CLIC2: variants seen among roughly 807,000 people sequenced by gnomAD.
The protein encoded by CLIC2 is chloride intracellular channel protein 2.
In CLIC2, 9 loss-of-function variants were observed where a neutral mutation model predicts 14.8. The ratio of observed to expected loss-of-function variants is 0.61; its 90% CI spans 0.37 to 1.06. CLIC2 has a LOEUF of 1.06. CLIC2 is among the 50% of genes least tolerant of loss of function. The pLI is 0.01. For synonymous variants in CLIC2, 61 were observed against 66.3 expected (o/e 0.92, Z 0.39); for missense variants, 148 against 181.4 (o/e 0.82, Z 1.06).
chrX:155,297,852 TC>T (rs1346541648), intron 3 of CLIC2, among the ~76,000 whole-genome samples: 1 of 11,109 alleles, frequency 9.0e-5, no homozygotes, highest in Non-Finnish European at 2.9e-4. Context: ...AGAGCGAGAC[TC>T]CGGTCTCAAA....
intron 3 of CLIC2, among the ~76,000 whole-genome samples, chrX:155,286,714 G>T (rs1179872327): frequency 8.9e-6 from 1 of 112,248 alleles, no homozygotes; most frequent in African/African-American, 3.2e-5. Flanking sequence ...TTGTGGTTTT[G>T]ATTTGCATTT....
At position 155,290,440 on chromosome X, in the gene CLIC2, T is replaced by A. The variant is rs1172122944; in HGVS notation, c.293+8345A>T. On this transcript the variant is annotated intron_variant, in intron 3 of 5. Coordinates refer to ENST00000369449, the MANE Select transcript of CLIC2 (RefSeq NM_001289.6). Reference sequence around the variant, plus strand: ...TCCTGCATGCTGCTTGGGATGTACTTCTTCTTCACAAAGGAAGTCTGAAGT... The same window carrying A: ...TCCTGCATGCTGCTTGGGATGTACTACTTCTTCACAAAGGAAGTCTGAAGT... The A allele has an allele frequency of 1.8e-5, 9 of 504,068 alleles. No homozygotes were observed. The African/African-American group carries it at 1.9e-4, about 11-fold the overall frequency. 41.5% of individuals were successfully genotyped at this position (504,068 alleles called of 1,213,427 possible).
chrX:155,302,495 G>A (rs1479939695), intron 1 of CLIC2, among the ~76,000 whole-genome samples: 2 of 100,660 alleles, frequency 2.0e-5, no homozygotes, highest in Non-Finnish European at 4.1e-5. Flanking sequence ...TCTTGCTAGC[G>A]GTCTATCAAT....
intron 1 of CLIC2, among the ~76,000 whole-genome samples, chrX:155,328,114 C>T (rs1175805240): frequency 9.0e-6 from 1 of 110,856 alleles, no homozygotes; most frequent in Non-Finnish European, 1.9e-5. Flanking sequence ...ACAAGGATGC[C>T]CACTTTCACC....
intron 4 of CLIC2, among the ~76,000 whole-genome samples, 178 bp from the exon 5 acceptor site, chrX:155,279,508 A>G (rs1243845937): frequency 2.7e-5 from 3 of 112,358 alleles, no homozygotes; most frequent in Non-Finnish European, 5.6e-5. Context: ...ACAAAGTAAG[A>G]TGAAATAGTG....
chrX:155,312,602 T>C (rs1355611164), intron 1 of CLIC2, among the ~76,000 whole-genome samples: 4 of 111,754 alleles, frequency 3.6e-5, no homozygotes, highest in African/African-American at 1.3e-4. Context: ...GTAAGGTGAT[T>C]CCTCCAGCTT....
chrX:155,285,202 T>C (rs1557316966), intron 3 of CLIC2, among the ~76,000 whole-genome samples: 3 of 112,677 alleles, frequency 2.7e-5, no homozygotes, highest in Admixed American at 9.4e-5. Context: ...CAATTCCTTT[T>C]AGCAGTGTTT....
intron 1 of CLIC2, among the ~76,000 whole-genome samples, chrX:155,326,125 T>C (rs1557322303): frequency 9.1e-6 from 1 of 109,471 alleles, no homozygotes; most frequent in Admixed American, 9.9e-5. Context: ...CTATATATCT[T>C]ATTCATGTAA....
intron 1 of CLIC2, among the ~76,000 whole-genome samples, chrX:155,319,287 G>C (rs2124208370): frequency 1.2e-5 from 1 of 81,560 alleles, no homozygotes; most frequent in African/African-American, 4.6e-5. Flanking sequence ...AATAAGAACA[G>C]CTTTGGTCTG....
intron 1 of CLIC2, among the ~76,000 whole-genome samples, chrX:155,304,988 T>C (rs782733495): frequency 8.2e-5 from 9 of 109,649 alleles, no homozygotes; most frequent in South Asian, 8.1e-4. Context: ...TTCAAAGCTG[T>C]CAGACAGGGA....
chrX:155,334,319 G>C, intron 1 of CLIC2, 52 bp downstream of exon 1: 1 of 949,161 alleles, frequency 1.1e-6, no homozygotes, highest in East Asian at 3.1e-5. Context: ...TTGGACTTCA[G>C]TGTCAAAAAC....
intron 1 of CLIC2, among the ~76,000 whole-genome samples, chrX:155,300,506 A>G (rs1557318927): frequency 2.7e-5 from 3 of 110,451 alleles, no homozygotes; most frequent in African/African-American, 9.9e-5. Context: ...GGTTGCGAAA[A>G]TTTTCTCCCA....
rs1335157114 is a variant in CLIC2, at chrX:155,292,769, C to CA, written c.293+6015dup. 3.7e-5 allele frequency: 15 copies of CA among 403,314 alleles called. No homozygotes were observed. The African/African-American group carries it at 4.0e-4, about 11-fold the overall frequency. The allele number at this position is 403,314 out of a possible 1,213,427, so 33.2% of individuals were successfully genotyped here. A position where few individuals can be genotyped will look rare whatever the true frequency, so the allele number is the denominator to read the frequency against. Reference sequence around the variant, plus strand: ...TGGGCGACAGAGCGAGACTCCGTCTCAAAACAAACAAACAAACAAACAAAC... The same window carrying CA: ...TGGGCGACAGAGCGAGACTCCGTCTCAAAAACAAACAAACAAACAAACAAAC... On this transcript the variant is annotated intron_variant, in intron 3 of 5. Coordinates refer to ENST00000369449, the MANE Select transcript of CLIC2 (RefSeq NM_001289.6).
intron 5 of CLIC2, 141 bp from the exon 6 acceptor site, chrX:155,278,205 G>T (rs191956001): frequency 3.6e-5 from 18 of 504,321 alleles, no homozygotes; most frequent in Non-Finnish European, 4.3e-5. Flanking sequence ...AAGTAGACAC[G>T]AATCTTGGAC....
intron 1 of CLIC2, among the ~76,000 whole-genome samples, chrX:155,321,686 A>T (rs2075115711): frequency 8.9e-6 from 1 of 111,986 alleles, no homozygotes; most frequent in Non-Finnish European, 1.9e-5. Context: ...CATCATAATG[A>T]CAGGATCAAA....
At chrX:155,279,398 G>A (rs1437404932) in intron 4 of CLIC2, 68 bp from the exon 5 acceptor site, 1 of 843,658 alleles carries the variant, frequency 1.2e-6, no homozygotes, top group Non-Finnish European at 1.8e-6. Context: ...TTCTAAATAT[G>A]CTTTCCACAC....
At chrX:155,301,563 C>A (rs1427555276) in intron 1 of CLIC2, among the ~76,000 whole-genome samples, 4 of 92,268 alleles carry the variant, frequency 4.3e-5, no homozygotes, top group Non-Finnish European at 8.8e-5. Context: ...AATTGAATAC[C>A]CTTTATTTAC....
At chrX:155,321,294 A>C (rs1443058304) in intron 1 of CLIC2, among the ~76,000 whole-genome samples, 1 of 111,592 alleles carries the variant, frequency 9.0e-6, no homozygotes, top group Non-Finnish European at 1.9e-5. Context: ...GAAGGAAAAA[A>C]TGTTAAGGGC....
At chrX:155,311,628 G>T (rs2075074672) in intron 1 of CLIC2, among the ~76,000 whole-genome samples, 1 of 111,779 alleles carries the variant, frequency 8.9e-6, no homozygotes, top group African/African-American at 3.3e-5. Flanking sequence ...CCACATTTTT[G>T]AGTATCTTTT....
Sources: allele counts gnomAD v4.1 joint callset (sites outside exome capture counted in the v4.1 genomes callset), GRCh38; gene constraint gnomAD v4.1.1; transcripts MANE v1.5; gene names NCBI Gene and HGNC (gene_info 2026-07-23, HGNC 2026-07-21).